PLA2G2C: variants seen among roughly 807,000 people sequenced by gnomAD.
PLA2G2C encodes the protein putative inactive group IIC secretory phospholipase A2.
A neutral mutation model predicts 14.3 loss-of-function variants in PLA2G2C; 15 were observed. The observed-to-expected ratio is 1.05, with a 90% confidence interval of 0.70 to 1.62. PLA2G2C has a LOEUF of 1.62. PLA2G2C is among the 40% of genes most tolerant of loss of function. The pLI is 0.00. For missense variants in PLA2G2C, 162 were observed against 173.2 expected, an observed-to-expected ratio of 0.94 and a Z score of 0.36; for synonymous variants, 79 against 67.7, an observed-to-expected ratio of 1.17 and a Z score of -0.82.
At chr1:20,179,330 C>T (rs1305665853) in intron 1 of PLA2G2C, among the ~76,000 whole-genome samples, 8 of 150,342 alleles carry the variant, frequency 5.3e-5, no homozygotes, top group Admixed American at 6.6e-5. Context: ...TCCTCTGTAT[C>T]AGCTTCTCCC....
At chr1:20,166,980 A>C (rs2100712379) in intron 4 of PLA2G2C, among the ~76,000 whole-genome samples, 1 of 152,318 alleles carries the variant, frequency 6.6e-6, no homozygotes, top group Middle Eastern at 3.4e-3. Context: ...TTAACTCCAG[A>C]TCTTGCATCT....
At chr1:20,173,806 T>C (rs907123962) in intron 3 of PLA2G2C, among the ~76,000 whole-genome samples, 15 of 152,336 alleles carry the variant, frequency 9.8e-5, no homozygotes, top group African/African-American at 3.4e-4. Context: ...TCTCCCTCTC[T>C]CACCATTCCC....
At chr1:20,171,561 T>C (rs1397782004) in intron 4 of PLA2G2C, among the ~76,000 whole-genome samples, 1 of 152,058 alleles carries the variant, frequency 6.6e-6, no homozygotes, top group Admixed American at 6.5e-5. Context: ...TGGAACCCAC[T>C]ACGGGATGGA....
At chr1:20,172,936 A>C in intron 3 of PLA2G2C, 39 bp from the exon 4 acceptor site, 1 of 1,517,036 alleles carries the variant, frequency 6.6e-7, no homozygotes, top group African/African-American at 1.4e-5. Flanking sequence ...GGAGGACCTT[A>C]TCTGGGGACT....
chr1:20,177,682 C>T (rs950277291), intron 1 of PLA2G2C, among the ~76,000 whole-genome samples: 3 of 151,036 alleles, frequency 2.0e-5, no homozygotes, highest in African/African-American at 7.3e-5. Context: ...TCTTTGGCAA[C>T]ATCATCCCTT....
At chr1:20,180,475 G>A (rs2018263284) in intron 1 of PLA2G2C, among the ~76,000 whole-genome samples, 1 of 152,200 alleles carries the variant, frequency 6.6e-6, no homozygotes, top group Non-Finnish European at 1.5e-5. Flanking sequence ...TGACAGAGGA[G>A]GAGACCAAGT....
intron 1 of PLA2G2C, among the ~76,000 whole-genome samples, chr1:20,179,988 G>GT (rs1055713063): frequency 2.0e-5 from 3 of 151,200 alleles, no homozygotes; most frequent in African/African-American, 7.3e-5. Flanking sequence ...CTGTGTGTGT[G>GT]TTAGCTTCTC....
intron 4 of PLA2G2C, among the ~76,000 whole-genome samples, chr1:20,170,224 G>A (rs2018047689): frequency 6.6e-6 from 1 of 152,230 alleles, no homozygotes; most frequent in African/African-American, 2.4e-5. Context: ...TTCATGGATG[G>A]GAAAACCAAA....
chr1:20,164,010 C>G lies in PLA2G2C; in HGVS notation c.431G>C (p.Arg144Thr). Residue 144 changes from arginine (R) to threonine (T), a missense_variant, in exon 5 of 5, where the codon AGA (arginine) becomes ACA (threonine). Physicochemically the swap from Arg to Thr is moderately conservative, Grantham distance 71 (BLOSUM62 -1). Transcript: ENST00000679259. ...KQFSSQPRCG[R>T]HKPWC ...GTGTCCCTAGCACCAGGGCTTATGT[C>G]TGCCACACCTGGGCTGGCTGGAGAA... 6.2e-7 allele frequency: 1 copy of G among 1,613,150 alleles called. No homozygotes were observed. The highest frequency in any genetic ancestry group is 1.3e-5 in the African/African-American group (1 of 75,044).
chr1:20,179,198 C>A (rs2018236083), intron 1 of PLA2G2C, among the ~76,000 whole-genome samples: 1 of 146,858 alleles, frequency 6.8e-6, no homozygotes, highest in Non-Finnish European at 1.5e-5. Flanking sequence ...AACTTCCCCT[C>A]TATGTCAGTT....
chr1:20,185,930 C>T (rs989697824), intron 1 of PLA2G2C, among the ~76,000 whole-genome samples: 9 of 152,324 alleles, frequency 5.9e-5, no homozygotes, highest in Admixed American at 2.6e-4. Flanking sequence ...CCAGGCCAGG[C>T]AATCCACTCC....
chr1:20,171,450 G>T (rs1363527229), intron 4 of PLA2G2C, among the ~76,000 whole-genome samples: 1 of 152,172 alleles, frequency 6.6e-6, no homozygotes, highest in African/African-American at 2.4e-5. Context: ...AACCCACACA[G>T]CTGGTGCCAG....
intron 1 of PLA2G2C, among the ~76,000 whole-genome samples, chr1:20,185,396 G>C (rs959137960): frequency 6.6e-6 from 1 of 152,300 alleles, no homozygotes; most frequent in East Asian, 1.9e-4. Context: ...GCCAGGATAG[G>C]GAAGAAGCAG....
intron 4 of PLA2G2C, among the ~76,000 whole-genome samples, chr1:20,166,917 A>ACAGC (rs1047543090): frequency 2.0e-5 from 3 of 152,200 alleles, no homozygotes; most frequent in Admixed American, 6.5e-5. Context: ...GGATGATGAG[A>ACAGC]CAGCCCCAGG....
intron 2 of PLA2G2C, among the ~76,000 whole-genome samples, chr1:20,175,547 C>T (rs1265347732): frequency 6.6e-6 from 1 of 152,132 alleles, no homozygotes; most frequent in Non-Finnish European, 1.5e-5. Flanking sequence ...TACTATCTCA[C>T]AGGAGAAACA....
chr1:20,163,957 G>C lies in PLA2G2C; in HGVS notation c.*34C>G, dbSNP rs773117412. 1 of 1,595,356 alleles carries C rather than the reference G, an allele frequency of 6.3e-7. No homozygotes were observed. The highest frequency in any genetic ancestry group is 8.5e-7 in the Non-Finnish European group (1 of 1,170,366). The stretch of plus-strand genomic sequence containing the variant: ...TTCCTGGAAGAGCAACACTAGAGCG[G>C]ATGCTGGATGATGAGAGGGACCCTG... On this transcript the variant is annotated 3_prime_UTR_variant, in exon 5 of 5. Transcript: ENST00000679259.
intron 4 of PLA2G2C, among the ~76,000 whole-genome samples, chr1:20,166,741 A>G (rs2017986587): frequency 6.6e-6 from 1 of 150,662 alleles, no homozygotes. Flanking sequence ...TCCCTTTCTC[A>G]TTTGGTCTTC....
chr1:20,177,188 A>G (rs905598010), intron 2 of PLA2G2C, 136 bp downstream of exon 2: 1 of 687,216 alleles, frequency 1.5e-6, no homozygotes, highest in Non-Finnish European at 2.6e-6. Context: ...CGTTGGTGGG[A>G]GCCCGTTCCT....
intron 4 of PLA2G2C, 79 bp from the exon 5 acceptor site, chr1:20,164,236 C>G: frequency 6.9e-7 from 1 of 1,450,700 alleles, no homozygotes; most frequent in East Asian, 2.3e-5. Flanking sequence ...GAACTGGGAG[C>G]TCACTGTAAG....
Sources: gnomAD v4.1 joint callset for allele counts (sites outside exome capture counted in the v4.1 genomes callset) on GRCh38, gnomAD v4.1.1 for gene constraint, MANE v1.5 for transcripts, NCBI Gene and HGNC (gene_info 2026-07-23, HGNC 2026-07-21) for gene names.